Variants in THADA observed in about 807,000 individuals in gnomAD.
THADA encodes the protein THADA armadillo repeat containing, also known as tRNA (32-2'-O)-methyltransferase regulator THADA.
THADA carries 213 observed loss-of-function variants against 219.8 expected under a neutral mutation model. The observed-to-expected ratio is 0.97, with a 90% CI of 0.87 to 1.09. The LOEUF (loss-of-function observed/expected upper bound fraction) is 1.09, where lower values mean the gene tolerates loss of function less well. THADA is among the 50% of genes least tolerant of loss of function. THADA has a pLI of 0.00. For missense variants in THADA, 2,956 were observed against 2,311.3 expected (o/e 1.28, Z -5.72); for synonymous variants, 1,018 against 828.9 (o/e 1.23, Z -3.92).
At chr2:43,362,501 T>G (rs1177969842) in intron 29 of THADA, among the ~76,000 whole-genome samples, 1 of 152,194 alleles carries the variant, frequency 6.6e-6, no homozygotes, top group Non-Finnish European at 1.5e-5. Flanking sequence ...AAAAATATGC[T>G]ATTAATATAA....
chr2:43,480,544 G>A (rs6712268), intron 26 of THADA, among the ~76,000 whole-genome samples: 1,774 of 152,164 alleles, frequency 0.012, 42 homozygotes, highest in African/African-American at 0.04. Context: ...TACCCTGGCC[G>A]CTCACGCCTA....
intron 7 of THADA, among the ~76,000 whole-genome samples, chr2:43,585,880 T>C (rs1700969982): frequency 6.6e-6 from 1 of 152,054 alleles, no homozygotes; most frequent in Non-Finnish European, 1.5e-5. Context: ...CATTTAAATA[T>C]TTTAATAAAG....
At chr2:43,236,622 T>C (rs1359926247) in intron 36 of THADA, among the ~76,000 whole-genome samples, 1 of 152,150 alleles carries the variant, frequency 6.6e-6, no homozygotes, top group Admixed American at 6.5e-5. Context: ...TTTGGGAGGC[T>C]AAGGTGGAAG....
At chr2:43,273,241 A>G (rs1206257283) in intron 36 of THADA, among the ~76,000 whole-genome samples, 1 of 151,650 alleles carries the variant, frequency 6.6e-6, no homozygotes, top group Admixed American at 6.6e-5. Flanking sequence ...GCCAAGAGTG[A>G]AACTCTGTCT....
intron 28 of THADA, among the ~76,000 whole-genome samples, chr2:43,421,351 T>A (rs1007255416): frequency 3.9e-5 from 6 of 152,184 alleles, no homozygotes; most frequent in African/African-American, 1.4e-4. Flanking sequence ...GGGGGCATAC[T>A]CCTTTCCTAT....
chr2:43,566,537 T>C, intron 15 of THADA, 161 bp downstream of exon 15: 2 of 835,084 alleles, frequency 2.4e-6, no homozygotes, highest in Non-Finnish European at 4.1e-6. Flanking sequence ...TCTTCTGTCC[T>C]TTACTAGCAA....
intron 29 of THADA, among the ~76,000 whole-genome samples, chr2:43,361,018 C>G (rs1669457531): frequency 6.7e-6 from 1 of 148,394 alleles, no homozygotes; most frequent in East Asian, 2.1e-4. Flanking sequence ...CTACCAGCAT[C>G]TACCACAACT....
intron 7 of THADA, 31 bp from the exon 8 acceptor site, chr2:43,581,959 G>C: frequency 6.9e-7 from 1 of 1,443,718 alleles, no homozygotes; most frequent in African/African-American, 1.5e-5. Context: ...TATTACAAAA[G>C]GAAATTCAAA....
chr2:43,284,621 G>T (rs765307967), intron 35 of THADA, among the ~76,000 whole-genome samples: 1 of 152,354 alleles, frequency 6.6e-6, no homozygotes, highest in Middle Eastern at 3.4e-3. Context: ...AATATAGACG[G>T]GGAAATGTGG....
At chr2:43,236,458 G>A (rs1269308978) in intron 36 of THADA, among the ~76,000 whole-genome samples, 1 of 152,194 alleles carries the variant, frequency 6.6e-6, no homozygotes, top group Non-Finnish European at 1.5e-5. Flanking sequence ...GGAGTAGGGA[G>A]AGGAATTTGT....
At chr2:43,465,996 C>T (rs977799294) in intron 26 of THADA, among the ~76,000 whole-genome samples, 8 of 152,144 alleles carry the variant, frequency 5.3e-5, no homozygotes, top group Non-Finnish European at 1.0e-4. Context: ...TCTTCCCTGG[C>T]CCCCTTGTTT....
At chr2:43,535,293 G>C (rs1032396329) in intron 21 of THADA, among the ~76,000 whole-genome samples, 1 of 148,954 alleles carries the variant, frequency 6.7e-6, no homozygotes, top group African/African-American at 2.5e-5. Flanking sequence ...TTATCTTTTG[G>C]CTCTGTTGTT....
chr2:43,526,279 C>G (rs1693149984), intron 22 of THADA, among the ~76,000 whole-genome samples: 1 of 152,148 alleles, frequency 6.6e-6, no homozygotes, highest in Non-Finnish European at 1.5e-5. Flanking sequence ...CTCCTATGAT[C>G]TATTTCAGAG....
At chr2:43,269,584 G>T (rs566526455) in intron 36 of THADA, among the ~76,000 whole-genome samples, 1 of 152,228 alleles carries the variant, frequency 6.6e-6, no homozygotes, top group African/African-American at 2.4e-5. Flanking sequence ...GATGGCACAC[G>T]CAACTTGGAA....
chr2:43,316,788 G>A (rs1053729908), intron 31 of THADA, among the ~76,000 whole-genome samples: 3 of 152,142 alleles, frequency 2.0e-5, no homozygotes, highest in African/African-American at 4.8e-5. Context: ...TTAGCCAGGC[G>A]TGGTGGCACA....
intron 31 of THADA, among the ~76,000 whole-genome samples, chr2:43,313,841 C>T (rs1464865836): frequency 6.6e-6 from 1 of 152,250 alleles, no homozygotes; most frequent in Non-Finnish European, 1.5e-5. Context: ...TTTCCTGACT[C>T]TGGCCCTGGT....
At chr2:43,477,330 C>A (rs1033349855) in intron 26 of THADA, among the ~76,000 whole-genome samples, 1 of 151,926 alleles carries the variant, frequency 6.6e-6, no homozygotes, top group African/African-American at 2.4e-5. Context: ...ATGCTATATC[C>A]CACTCTTGAT....
intron 31 of THADA, among the ~76,000 whole-genome samples, chr2:43,315,810 G>A (rs920193364): frequency 1.3e-5 from 2 of 152,154 alleles, no homozygotes; most frequent in Non-Finnish European, 2.9e-5. Context: ...GGTTCCATAA[G>A]GGTCCTAAAA....
At chr2:43,526,321 C>A (rs576430599) in intron 22 of THADA, among the ~76,000 whole-genome samples, 1 of 135,416 alleles carries the variant, frequency 7.4e-6, no homozygotes, top group South Asian at 2.5e-4. Flanking sequence ...TCCATCCCTG[C>A]TACAGTAAAT....
Sources: allele counts gnomAD v4.1 joint callset (sites outside exome capture counted in the v4.1 genomes callset), GRCh38; gene constraint gnomAD v4.1.1; transcripts MANE v1.5; gene names NCBI Gene and HGNC (gene_info 2026-07-23, HGNC 2026-07-21).